The following CSNK1G2 variants were observed in gnomAD, a reference collection of about 807,000 sequenced individuals.
CSNK1G2 encodes the protein casein kinase 1 gamma 2.
A neutral mutation model predicts 48.0 loss-of-function variants in CSNK1G2; 11 were observed. The ratio of observed to expected loss-of-function variants is 0.23; its 90% CI spans 0.14 to 0.38. The LOEUF (loss-of-function observed/expected upper bound fraction) is 0.38, where lower values mean the gene tolerates loss of function less well. Among genes scored for constraint, CSNK1G2 ranks in the 10% least tolerant of loss-of-function variants. CSNK1G2 has a pLI of 1.00. For synonymous variants in CSNK1G2, 337 were observed against 254.1 expected, an observed-to-expected ratio of 1.33 and a Z score of -3.10; for missense variants, 446 against 595.5, an observed-to-expected ratio of 0.75 and a Z score of 2.61.
At position 1,957,980 on chromosome 19, in the gene CSNK1G2, G is replaced by T. The variant is rs1307220685; in HGVS notation, c.-265-11528G>T. Reference sequence around the variant, plus strand: ...CGTGCTTCCCCCGTGTGCAGGGAGGGGTTGGAGGTGTGCGCTTGTCTTGTC... The same window carrying T: ...CGTGCTTCCCCCGTGTGCAGGGAGGTGTTGGAGGTGTGCGCTTGTCTTGTC... On this transcript the variant is annotated intron_variant, in intron 1 of 11. Coordinates refer to ENST00000255641, the MANE Select transcript of CSNK1G2 (RefSeq NM_001319.7). This position sits in a 1 kb window ranked among gnomAD's most constrained non-coding sequence, Gnocchi z 5.4. Among the ~76,000 whole-genome samples the T allele has an allele frequency of 6.6e-6, 1 of 152,190 alleles. No homozygotes were observed. The highest frequency in any genetic ancestry group is 1.5e-5 in the Non-Finnish European group (1 of 68,028).
chr19:1,952,458 G>A (rs1427519196), intron 1 of CSNK1G2: 2 of 152,316 alleles, frequency 1.3e-5, no homozygotes, highest in East Asian at 3.9e-4. Flanking sequence ...GAGTAGCTGG[G>A]ATTACAGGCG....
intron 2 of CSNK1G2, among the ~76,000 whole-genome samples, chr19:1,972,472 AT>A (rs1395874920): frequency 6.6e-6 from 1 of 152,128 alleles, no homozygotes; most frequent in Non-Finnish European, 1.5e-5. Flanking sequence ...AATATTGACT[AT>A]GCTCTCCTTA....
intron 2 of CSNK1G2, among the ~76,000 whole-genome samples, chr19:1,970,577 TG>T (rs1410174830): frequency 6.6e-6 from 1 of 151,688 alleles, no homozygotes; most frequent in Non-Finnish European, 1.5e-5. Context: ...TTCCCTGGGG[TG>T]GGGGTGCCTG....
intron 2 of CSNK1G2, chr19:1,975,414 A>C (rs992314224): frequency 1.0e-5 from 10 of 985,470 alleles, no homozygotes; most frequent in Non-Finnish European, 1.2e-5. Context: ...GAAGAGCTAC[A>C]CAGCCGTGTT....
At chr19:1,946,118 T>TC (rs760918902) in intron 1 of CSNK1G2, among the ~76,000 whole-genome samples, 41 of 151,874 alleles carry the variant, frequency 2.7e-4, no homozygotes, top group Admixed American at 5.2e-4. Context: ...GGGAGGTCAC[T>TC]CCCATTCCAT....
In CSNK1G2 at chr19:1,947,046, G is replaced by GC. The variant is rs796299447; in HGVS notation, c.-266+5631dup. On this transcript the variant is annotated intron_variant, in intron 1 of 11. Transcript: ENST00000255641. ...TGGGATTACAGGCGTGAGCCACCGT[G>GC]CCCGGCCCTATCGCTATTTAAAAGG... Among the ~76,000 whole-genome samples, 9 of 152,378 alleles carry GC rather than the reference G, an allele frequency of 5.9e-5. 2 individuals carry two copies. The highest frequency in any genetic ancestry group is 2.2e-4 in the African/African-American group (9 of 41,596).
At chr19:1,949,972 A>G (rs894314856) in intron 1 of CSNK1G2, among the ~76,000 whole-genome samples, 5 of 152,194 alleles carry the variant, frequency 3.3e-5, no homozygotes, top group Non-Finnish European at 7.3e-5. Flanking sequence ...AGACAGATGG[A>G]TGTGCTGCCC....
At chr19:1,941,840 C>T (rs983747760) in intron 1 of CSNK1G2, among the ~76,000 whole-genome samples, 1 of 149,150 alleles carries the variant, frequency 6.7e-6, no homozygotes, top group Non-Finnish European at 1.5e-5. Context: ...CTCCGCTGAG[C>T]CTTTAGTCCC....
At chr19:1,944,389 C>T (rs1225707233) in intron 1 of CSNK1G2, among the ~76,000 whole-genome samples, 1 of 152,102 alleles carries the variant, frequency 6.6e-6, no homozygotes, top group Non-Finnish European at 1.5e-5. Context: ...GTGGGGCTTC[C>T]TGGGAAGTGG....
At chr19:1,964,600 C>T (rs532096212) in intron 1 of CSNK1G2, among the ~76,000 whole-genome samples, 8 of 152,106 alleles carry the variant, frequency 5.3e-5, no homozygotes, top group Non-Finnish European at 5.9e-5. Flanking sequence ...GAGAATTATG[C>T]TAAATCTACT....
At position 1,957,988 on chromosome 19, in the gene CSNK1G2, G is replaced by A. The variant is rs1190636743; in HGVS notation, c.-265-11520G>A. Among the ~76,000 whole-genome samples the A allele has an allele frequency of 6.6e-6, 1 of 152,172 alleles. No homozygotes were observed. Among genetic ancestry groups the A allele is most frequent in the Non-Finnish European group, 1.5e-5 (1 of 68,016 alleles). ...CCCCGTGTGCAGGGAGGGGTTGGAG[G>A]TGTGCGCTTGTCTTGTCCGGAAGCC... On this transcript the variant is annotated intron_variant, in intron 1 of 11. Coordinates refer to ENST00000255641, the MANE Select transcript of CSNK1G2 (RefSeq NM_001319.7). This position sits in a 1 kb window ranked among gnomAD's most constrained non-coding sequence, Gnocchi z 5.4.
Position 1,978,164 on chromosome 19 carries a change from G to A in CSNK1G2, c.188-141G>A, listed in dbSNP as rs1469380711. 1.2e-6 allele frequency: 1 copy of A among 850,718 alleles called. No homozygotes were observed. Among genetic ancestry groups the A allele is most frequent in the Non-Finnish European group, 1.9e-6 (1 of 512,950 alleles). 52.7% of individuals were successfully genotyped at this position (850,718 alleles called of 1,614,324 possible). Reference sequence around the variant, plus strand: ...GCAGTGCTCTGGCAGGCTGGGCCCAGGCCCTGCTGCTGGGCAGTGGTGTCA... The same window carrying A: ...GCAGTGCTCTGGCAGGCTGGGCCCAAGCCCTGCTGCTGGGCAGTGGTGTCA... On this transcript the variant is annotated intron_variant, in intron 2 of 11. Transcript: ENST00000255641. The surrounding 1 kb of genome is among the most constrained non-coding windows in gnomAD (Gnocchi z 7.3).
intron 1 of CSNK1G2, chr19:1,953,974 G>A (rs377731268): frequency 7.5e-6 from 4 of 533,856 alleles, no homozygotes; most frequent in Middle Eastern, 3.2e-4. Flanking sequence ...GGGCCTTCTC[G>A]TGGTGATGAC....
rs747208904 is a variant in CSNK1G2, at chr19:1,979,845, G to A, written c.1086+10G>A. 18 of 1,602,136 alleles carry A rather than the reference G, an allele frequency of 1.1e-5. No homozygotes were observed. Among genetic ancestry groups the A allele is most frequent in the Admixed American group, 3.4e-5 (2 of 58,566 alleles). On this transcript the variant is annotated intron_variant, in intron 10 of 11. Transcript: ENST00000255641. ...GCACAGCAAAAACCAGGTGAGGCCC[G>A]GGCGGGACCGACCGCCCCAGGGAGG...
At chr19:1,979,447 C>CCCCTCA (rs2015892386) in intron 8 of CSNK1G2, 44 bp downstream of exon 8, 7 of 714,692 alleles carry the variant, frequency 9.8e-6, no homozygotes, top group African/African-American at 1.9e-5. Flanking sequence ...CCACCCCCCA[C>CCCCTCA]CCCCCACCCC....
intron 1 of CSNK1G2, among the ~76,000 whole-genome samples, chr19:1,961,419 C>G (rs1177663887): frequency 6.6e-6 from 1 of 152,248 alleles, no homozygotes; most frequent in East Asian, 1.9e-4. Context: ...AGTCTCCAGC[C>G]CATGCTGAGG....
chr19:1,952,731 G>A (rs1229583326), intron 1 of CSNK1G2: 1 of 282,108 alleles, frequency 3.5e-6, no homozygotes, highest in Admixed American at 5.7e-5. Flanking sequence ...CACAGGGCCA[G>A]GAGCTGAGTC....
Position 1,979,014 on chromosome 19 carries a change from G to A in CSNK1G2, c.603G>A (p.Lys201=), listed in dbSNP as rs1568206380. Residue 201 remains lysine, a synonymous_variant, in exon 6 of 12, where the codon AAG becomes AAA. Transcript: ENST00000255641. ...AGGAGTACATCGACCCCGAGACCAAGAAGCACATCCCGTACCGCGAGCACA... is the reference window on the plus strand; with the variant it reads ...AGGAGTACATCGACCCCGAGACCAAAAAGCACATCCCGTACCGCGAGCACA... ...LAKEYIDPET[K]KHIPYREHKS... is the part of the protein sequence containing the mutation. 3.1e-6 allele frequency: 5 copies of A among 1,598,492 alleles called. No homozygotes were observed. Among genetic ancestry groups the A allele is most frequent in the Non-Finnish European group, 4.2e-6 (5 of 1,179,532 alleles).
intron 2 of CSNK1G2, among the ~76,000 whole-genome samples, chr19:1,974,144 A>G (rs1006641989): frequency 1.4e-4 from 22 of 152,096 alleles, no homozygotes; most frequent in African/African-American, 5.1e-4. Flanking sequence ...TACCTGCCTC[A>G]GCCTCCCAAA....
Sources: gnomAD v4.1 joint callset for allele counts (sites outside exome capture counted in the v4.1 genomes callset) on GRCh38, gnomAD v4.1.1 for gene constraint, Gnocchi (gnomAD v3.1) non-coding constraint, MANE v1.5 for transcripts, NCBI Gene and HGNC (gene_info 2026-07-23, HGNC 2026-07-21) for gene names.